Variants in ETV1 observed in about 807,000 individuals in gnomAD.
The protein encoded by ETV1 is ETS translocation variant 1.
A neutral mutation model predicts 62.3 loss-of-function variants in ETV1; 27 were observed. The ratio of observed to expected loss-of-function variants is 0.43; its 90% CI spans 0.32 to 0.60. The LOEUF (loss-of-function observed/expected upper bound fraction) is 0.60, where lower values mean the gene tolerates loss of function less well. Ranked by LOEUF, ETV1 falls within the 20% of genes least tolerant of loss-of-function variation. The pLI, the probability that ETV1 is intolerant of heterozygous loss-of-function variation, is 0.06. For synonymous variants in ETV1, 222 were observed against 199.6 expected (o/e 1.11, Z -0.94); for missense variants, 605 against 605.8 (o/e 1.00, Z 0.01).
Position 13,989,269 on chromosome 7 carries a change from TGGATCCAAAG to T in ETV1, c.-99_-90del. 3 of 551,720 alleles carry T rather than the reference TGGATCCAAAG, an allele frequency of 5.4e-6. No individual in the cohort carries two copies. The highest frequency in any genetic ancestry group is 9.6e-6 in the Non-Finnish European group (3 of 313,218). The allele number at this position is 551,720 out of a possible 1,614,324, so 34.2% of individuals were successfully genotyped here. Reference sequence around the variant, plus strand: ...CCCTCCCTACACCGCCTCCTTCACCTGGATCCAAAGAGAGCCAACAGAGTTCACAATTTAC... The same window carrying T: ...CCCTCCCTACACCGCCTCCTTCACCTAGAGCCAACAGAGTTCACAATTTAC... On this transcript the variant is annotated splice_region_variant and 5_prime_UTR_variant, in exon 2 of 14. Coordinates refer to ENST00000430479, the MANE Select transcript of ETV1 (RefSeq NM_004956.5).
intron 2 of ETV1, 47 bp from the exon 3 acceptor site, chr7:13,989,186 T>A: frequency 5.7e-6 from 4 of 705,312 alleles, no homozygotes; most frequent in African/African-American, 1.8e-5. Context: ...AAATCATGAA[T>A]GAAGCTCTTG....
intron 11 of ETV1, chr7:13,907,923 A>G (rs1228045786): frequency 1.1e-5 from 5 of 450,634 alleles, no homozygotes; most frequent in Non-Finnish European, 1.8e-5. Context: ...TGGTCTTAAC[A>G]TGATAATATA....
chr7:13,902,591 T>C (rs968004234), intron 12 of ETV1, among the ~76,000 whole-genome samples: 7 of 152,134 alleles, frequency 4.6e-5, no homozygotes, highest in Non-Finnish European at 8.8e-5. Flanking sequence ...AAAACCTAAC[T>C]ATGGACATCA....
intron 6 of ETV1, among the ~76,000 whole-genome samples, chr7:13,945,902 A>C (rs1343111356): frequency 6.6e-6 from 1 of 152,212 alleles, no homozygotes; most frequent in East Asian, 1.9e-4. Flanking sequence ...AATCACCATC[A>C]TCTGGAGTCA....
At chr7:13,979,995 C>T (rs1781828064) in intron 5 of ETV1, among the ~76,000 whole-genome samples, 2 of 151,996 alleles carry the variant, frequency 1.3e-5, no homozygotes, top group Admixed American at 6.6e-5. Context: ...AGTTATACCT[C>T]GCAAATATAC....
At chr7:13,914,890 A>G (rs554541214) in intron 9 of ETV1, among the ~76,000 whole-genome samples, 3 of 152,334 alleles carry the variant, frequency 2.0e-5, no homozygotes, top group African/African-American at 7.2e-5. Context: ...GATTTGCCAC[A>G]GTTGCCTGAA....
intron 6 of ETV1, among the ~76,000 whole-genome samples, chr7:13,966,800 T>C (rs928262032): frequency 2.0e-5 from 3 of 152,202 alleles, no homozygotes; most frequent in African/African-American, 7.2e-5. Context: ...CAATATGTGA[T>C]AAATACAACT....
chr7:13,981,116 G>C (rs1252798226), intron 5 of ETV1, among the ~76,000 whole-genome samples: 1 of 151,926 alleles, frequency 6.6e-6, no homozygotes, highest in African/African-American at 2.4e-5. Flanking sequence ...TAAGGAAAAA[G>C]TGGAAGAATT....
chr7:13,984,041 GATATCATTT>G (rs2128509613), intron 5 of ETV1, among the ~76,000 whole-genome samples: 1 of 151,740 alleles, frequency 6.6e-6, no homozygotes, highest in East Asian at 1.9e-4. Context: ...AACATGCTAA[GATATCATTT>G]CACAAATATT....
At chr7:13,981,619 A>C (rs1253592792) in intron 5 of ETV1, among the ~76,000 whole-genome samples, 1 of 152,018 alleles carries the variant, frequency 6.6e-6, no homozygotes, top group Non-Finnish European at 1.5e-5. Flanking sequence ...TATAAAACTA[A>C]GGAAGAAAAA....
upstream of ETV1, chr7:13,991,038 G>GA (rs1482727717): frequency 2.6e-5 from 4 of 152,252 alleles, no homozygotes; most frequent in Admixed American, 1.3e-4. Flanking sequence ...TTATTACTGG[G>GA]AAAACAACCA....
chr7:13,951,146 G>C (rs1408899193), intron 6 of ETV1, among the ~76,000 whole-genome samples: 1 of 151,834 alleles, frequency 6.6e-6, no homozygotes, highest in African/African-American at 2.4e-5. Flanking sequence ...TTAACACATA[G>C]ATAAGAAATC....
chr7:13,900,717 A>G, intron 13 of ETV1, 21 bp downstream of exon 13: 2 of 1,481,958 alleles, frequency 1.3e-6, no homozygotes, highest in Non-Finnish European at 1.9e-6. Context: ...AATGAATTTT[A>G]ATGCTGTATT....
chr7:13,954,361 C>A (rs1353149121), intron 6 of ETV1, among the ~76,000 whole-genome samples: 2 of 152,046 alleles, frequency 1.3e-5, no homozygotes, highest in Non-Finnish European at 2.9e-5. Context: ...TTCAAATAAG[C>A]CCAGAGGTAA....
At position 13,989,043 on chromosome 7, in the gene ETV1, A is replaced by G; in HGVS notation, c.10T>C (p.Phe4Leu). 1.9e-6 allele frequency: 3 copies of G among 1,605,506 alleles called. No individual in the cohort carries two copies. The highest frequency in any genetic ancestry group is 2.6e-6 in the Non-Finnish European group (3 of 1,175,630). Residue 4 changes from phenylalanine (F) to leucine (L), a missense_variant, in exon 3 of 14, where the codon TTT becomes CTT. By Grantham distance (22) the Phe-to-Leu change is conservative (BLOSUM62 0). Coordinates refer to ENST00000430479, the MANE Select transcript of ETV1 (RefSeq NM_004956.5). ...ATGTAAGGCACTTGCTGGTCATAAA[A>G]TCCATCCATGCTGCTGCTCTTCGCA... is the stretch of plus-strand genomic sequence containing the variant. MDG[F>L]YDQQVPYMVT... is the part of the protein sequence containing the mutation.
Position 13,894,297 on chromosome 7 carries a change from T to C in ETV1, c.*1569A>G, listed in dbSNP as rs991139301. On this transcript the variant is annotated 3_prime_UTR_variant, in exon 14 of 14. Coordinates refer to ENST00000430479, the MANE Select transcript of ETV1 (RefSeq NM_004956.5). The stretch of plus-strand genomic sequence containing the variant: ...GAGATTCTATATCCCCATTTACTCA[T>C]GGTTTTTTCAAGGTGAATGAAACAA... The C allele has an allele frequency of 8.6e-6, 2 of 232,718 alleles. No homozygotes were observed. Among genetic ancestry groups the C allele is most frequent in the Admixed American group, 5.6e-5 (1 of 17,756 alleles). The allele number at this position is 232,718 out of a possible 1,614,324, so 14.4% of individuals were successfully genotyped here.
chr7:13,970,885 G>C (rs937861944), intron 6 of ETV1, among the ~76,000 whole-genome samples: 3 of 151,328 alleles, frequency 2.0e-5, no homozygotes, highest in African/African-American at 7.3e-5. Flanking sequence ...TTTAGAAGCA[G>C]ATTTGTAACA....
At chr7:13,901,592 T>C (rs1782435395) in intron 12 of ETV1, among the ~76,000 whole-genome samples, 1 of 152,180 alleles carries the variant, frequency 6.6e-6, no homozygotes, top group African/African-American at 2.4e-5. Context: ...GGAAAAAAGA[T>C]ACCCTGCTCA....
chr7:13,898,030 C>G (rs747260514), intron 13 of ETV1, among the ~76,000 whole-genome samples: 1 of 152,158 alleles, frequency 6.6e-6, no homozygotes, highest in Non-Finnish European at 1.5e-5. Flanking sequence ...AGGACTCTGC[C>G]TTTCCTCACT....
Sources: gnomAD v4.1 joint callset for allele counts (sites outside exome capture counted in the v4.1 genomes callset) on GRCh38, gnomAD v4.1.1 for gene constraint, MANE v1.5 for transcripts, NCBI Gene and HGNC (gene_info 2026-07-23, HGNC 2026-07-21) for gene names.